Variants in C12orf42 observed in about 807,000 individuals in gnomAD.
C12orf42 encodes chromosome 12 open reading frame 42.
In C12orf42, 25 loss-of-function variants were observed where a neutral mutation model predicts 21.6. That is an observed-to-expected ratio of 1.16 (90% confidence interval 0.84 to 1.62). The LOEUF is 1.62. C12orf42 is among the 40% of genes most tolerant of loss of function. The probability of loss-of-function intolerance (pLI) is 0.00; values close to 1 mark genes in which losing one functional copy is unlikely to be tolerated. For synonymous variants in C12orf42, 174 were observed against 175.0 expected (o/e 0.99, Z 0.05); for missense variants, 483 against 459.3 (o/e 1.05, Z -0.47).
At chr12:103,089,101 CAAAA>C in the C12orf42 span, among the ~76,000 whole-genome samples, 3 of 54,844 alleles carry the variant, frequency 5.5e-5, no homozygotes, top group South Asian at 1.0e-3. Context: ...GACTCCATCT[CAAAA>C]AAAAAAAAAA....
chr12:103,180,615 C>CTTTTTT, the C12orf42 span, among the ~76,000 whole-genome samples: 128 of 61,966 alleles, frequency 2.1e-3, 1 homozygote, highest in African/African-American at 2.4e-3. Flanking sequence ...AAATAATTTC[C>CTTTTTT]TTTTTTTTTT....
the C12orf42 span, among the ~76,000 whole-genome samples, chr12:103,167,482 T>C: frequency 6.6e-6 from 1 of 152,302 alleles, no homozygotes; most frequent in East Asian, 1.9e-4. Flanking sequence ...GCTGAGTCTT[T>C]TATTGAACTC....
the C12orf42 span, among the ~76,000 whole-genome samples, chr12:103,212,913 C>T: frequency 4.0e-5 from 6 of 151,866 alleles, no homozygotes; most frequent in Admixed American, 3.9e-4. Context: ...ACCTACTATT[C>T]TGCAGTTAGA....
At chr12:103,050,613 G>A in the C12orf42 span, among the ~76,000 whole-genome samples, 7 of 151,966 alleles carry the variant, frequency 4.6e-5, no homozygotes, top group Non-Finnish European at 8.8e-5. Context: ...GTCACCTAAT[G>A]TCATTTCGTG....
intron 10 of C12orf42, chr12:103,238,042 ACT>A (rs994074940): frequency 6.6e-6 from 1 of 152,222 alleles, no homozygotes; most frequent in Non-Finnish European, 1.5e-5. Flanking sequence ...TGTGGCTGCC[ACT>A]ACAGAAAGAC....
At chr12:103,231,003 T>C in the C12orf42 span, among the ~76,000 whole-genome samples, 4 of 152,304 alleles carry the variant, frequency 2.6e-5, no homozygotes, top group South Asian at 8.3e-4. Context: ...ATTTACAGTA[T>C]AATTTCCAGT....
intron 1 of C12orf42, among the ~76,000 whole-genome samples, chr12:103,494,069 G>C (rs1348212453): frequency 5.3e-5 from 8 of 152,110 alleles, no homozygotes; most frequent in Admixed American, 6.5e-5. Context: ...TTTTCTCATT[G>C]TAAGTTTGCA....
chr12:103,121,668 T>A, the C12orf42 span, among the ~76,000 whole-genome samples: 1 of 152,230 alleles, frequency 6.6e-6, no homozygotes, highest in South Asian at 2.1e-4. Flanking sequence ...ACTCATTCAC[T>A]TTCAGGTATT....
At chr12:103,546,735 T>A in the C12orf42 span, among the ~76,000 whole-genome samples, 2 of 152,224 alleles carry the variant, frequency 1.3e-5, no homozygotes, top group Admixed American at 1.3e-4. Context: ...TATGGCACTT[T>A]GGCATATAAA....
intron 2 of C12orf42, among the ~76,000 whole-genome samples, chr12:103,444,215 T>G (rs1026420341): frequency 1.3e-5 from 2 of 152,102 alleles, no homozygotes; most frequent in African/African-American, 4.8e-5. Flanking sequence ...TAGTTCATTT[T>G]TATACTATTT....
At chr12:103,482,700 A>G (rs1432036879) in intron 1 of C12orf42, among the ~76,000 whole-genome samples, 1 of 151,940 alleles carries the variant, frequency 6.6e-6, no homozygotes, top group African/African-American at 2.4e-5. Context: ...TTACCTCTCA[A>G]CTTATGTTTC....
At chr12:103,411,624 G>A (rs1286960523) in intron 2 of C12orf42, among the ~76,000 whole-genome samples, 1 of 152,132 alleles carries the variant, frequency 6.6e-6, no homozygotes, top group Non-Finnish European at 1.5e-5. Flanking sequence ...AAAGAAGCCA[G>A]GGGAGCTTGT....
At chr12:103,163,783 C>G in the C12orf42 span, among the ~76,000 whole-genome samples, 1 of 152,166 alleles carries the variant, frequency 6.6e-6, no homozygotes, top group African/African-American at 2.4e-5. Context: ...CAGTTTAGCT[C>G]TCTGAGCCTC....
chr12:103,466,836 T>C (rs865905717), intron 2 of C12orf42, among the ~76,000 whole-genome samples: 2 of 152,226 alleles, frequency 1.3e-5, no homozygotes, highest in Non-Finnish European at 2.9e-5. Flanking sequence ...GGAGGCACTA[T>C]TGGAGTTGTT....
At chr12:103,080,684 T>G in the C12orf42 span, among the ~76,000 whole-genome samples, 6 of 152,198 alleles carry the variant, frequency 3.9e-5, no homozygotes, top group African/African-American at 1.4e-4. Context: ...ATCATTCTCC[T>G]CCTGTCACAA....
At chr12:103,273,920 G>C in intron 5 of C12orf42, 1 of 456,140 alleles carries the variant, frequency 2.2e-6, no homozygotes, top group Non-Finnish European at 4.4e-6. Context: ...GAGCAGAAAA[G>C]TGCTTTTCGC....
chr12:103,478,363 CA>C lies in C12orf42; in HGVS notation c.63del (p.Phe21LeufsTer15), dbSNP rs746306501. On this transcript the variant is annotated frameshift_variant, in exon 2 of 6. Transcript: ENST00000548883. Reference sequence around the variant, plus strand: ...TTATGCATTACCTGCATCCTGTTTGCAAAAGGTCTGATGGTTAGCAAGAATT... The same window carrying C: ...TTATGCATTACCTGCATCCTGTTTGCAAAGGTCTGATGGTTAGCAAGAATT... ...EEEFLLTIRP[F>X]ANRMQKSPCY... 2 of 1,601,500 alleles carry C rather than the reference CA, an allele frequency of 1.2e-6. No individual in the cohort carries two copies. Among genetic ancestry groups the C allele is most frequent in the Admixed American group, 1.7e-5 (1 of 58,802 alleles).
chr12:103,291,123 T>C (rs1167958741), intron 4 of C12orf42, among the ~76,000 whole-genome samples: 1 of 152,206 alleles, frequency 6.6e-6, no homozygotes, highest in East Asian at 1.9e-4. Context: ...TTTTGTGCAA[T>C]TTCTTAGATA....
chr12:103,112,290 ATAT>A, the C12orf42 span, among the ~76,000 whole-genome samples: 2 of 152,212 alleles, frequency 1.3e-5, no homozygotes, highest in Non-Finnish European at 2.9e-5. Context: ...CAGCTTAAGA[ATAT>A]GCCTTTGCTC....
Sources: gnomAD v4.1 joint callset for allele counts (sites outside exome capture counted in the v4.1 genomes callset) on GRCh38, gnomAD v4.1.1 for gene constraint, MANE v1.5 for transcripts, NCBI Gene and HGNC (gene_info 2026-07-23, HGNC 2026-07-21) for gene names.